Variants in SORBS2 observed in about 807,000 individuals in gnomAD.
SORBS2 encodes the protein sorbin and SH3 domain-containing protein 2.
In SORBS2, 46 loss-of-function variants were observed where a neutral mutation model predicts 97.7. That is an observed-to-expected ratio of 0.47 (90% CI 0.37 to 0.60). The LOEUF is 0.60. Ranked by LOEUF, SORBS2 falls within the 20% of genes least tolerant of loss-of-function variation. SORBS2 has a pLI of 0.00. For synonymous variants in SORBS2, 476 were observed against 473.4 expected, an observed-to-expected ratio of 1.01 and a Z score of -0.07; for missense variants, 1,316 against 1,282.3, an observed-to-expected ratio of 1.03 and a Z score of -0.40.
At chr4:185,887,462 C>G (rs765561678) in intron 1 of SORBS2, among the ~76,000 whole-genome samples, 1 of 152,162 alleles carries the variant, frequency 6.6e-6, no homozygotes, top group African/African-American at 2.4e-5. Flanking sequence ...TCAAAACTTG[C>G]GGGCATCGCA....
chr4:185,946,442 C>T (rs74520673), intron 1 of SORBS2, among the ~76,000 whole-genome samples: 284 of 152,258 alleles, frequency 1.9e-3, no homozygotes, highest in Non-Finnish European at 3.4e-3. Context: ...AGTTTAGCAT[C>T]TGTAAGAACC....
At chr4:185,916,125 G>A (rs2099258017) in intron 1 of SORBS2, among the ~76,000 whole-genome samples, 1 of 152,152 alleles carries the variant, frequency 6.6e-6, no homozygotes, top group Non-Finnish European at 1.5e-5. Context: ...GAGGAAATTA[G>A]AGGGCCACTC....
At chr4:185,903,508 C>T (rs893769172) in intron 1 of SORBS2, among the ~76,000 whole-genome samples, 4 of 152,194 alleles carry the variant, frequency 2.6e-5, no homozygotes, top group Non-Finnish European at 4.4e-5. Context: ...CTGGTCAGTA[C>T]AGAGCCTTCA....
chr4:185,623,228 G>C lies in SORBS2; in HGVS notation c.1901C>G (p.Ala634Gly), dbSNP rs899390581. The stretch of plus-strand genomic sequence containing the variant: ...GATGTCTTTAAGGGCAGAGTCCAGA[G>C]CCTCAAACACAGATGCTTTACATTT... The change falls in exon 7 of 15, where the codon GCT (alanine) becomes GGT (glycine). Residue 634 changes from alanine (A) to glycine (G), a missense_variant. By Grantham distance (60) the Ala-to-Gly change is moderately conservative (BLOSUM62 0). Transcript: ENST00000418609. This position sits in a 1 kb window ranked among gnomAD's most constrained non-coding sequence, Gnocchi z 6.4. The C allele has an allele frequency of 6.2e-7, 1 of 1,614,134 alleles. No homozygotes were observed. Among genetic ancestry groups the C allele is most frequent in the East Asian group, 2.2e-5 (1 of 44,884 alleles).
At chr4:185,667,405 T>C (rs2097628668) in intron 4 of SORBS2, among the ~76,000 whole-genome samples, 1 of 152,152 alleles carries the variant, frequency 6.6e-6, no homozygotes, top group African/African-American at 2.4e-5. Context: ...CTCAGACTTT[T>C]ACTTGAATAC....
intron 1 of SORBS2, among the ~76,000 whole-genome samples, chr4:185,834,740 CATTTG>C (rs1240974270): frequency 6.6e-6 from 1 of 152,162 alleles, no homozygotes; most frequent in Non-Finnish European, 1.5e-5. Flanking sequence ...TATCAGTATA[CATTTG>C]ATTTGATTTG....
chr4:185,737,969 C>T (rs141829096), intron 2 of SORBS2, among the ~76,000 whole-genome samples: 21 of 152,334 alleles, frequency 1.4e-4, no homozygotes, highest in African/African-American at 4.8e-4. Flanking sequence ...TTCACAATGG[C>T]AGCCACACTG....
At chr4:185,920,246 A>G (rs924112054) in intron 1 of SORBS2, among the ~76,000 whole-genome samples, 2 of 152,158 alleles carry the variant, frequency 1.3e-5, no homozygotes, top group South Asian at 2.1e-4. Flanking sequence ...AGTTCCCACC[A>G]TCTCTGATGT....
chr4:185,764,176 G>A (rs1051977856), intron 2 of SORBS2, among the ~76,000 whole-genome samples: 1 of 152,098 alleles, frequency 6.6e-6, no homozygotes, highest in African/African-American at 2.4e-5. Flanking sequence ...GCTCTCCATA[G>A]TCCTGTAGCA....
At chr4:185,880,144 A>C (rs2099236121) in intron 1 of SORBS2, among the ~76,000 whole-genome samples, 1 of 152,196 alleles carries the variant, frequency 6.6e-6, no homozygotes, top group African/African-American at 2.4e-5. Context: ...TCCCCTGTGC[A>C]GGCTGCCTCG....
chr4:185,735,022 C>T (rs1051791636), intron 2 of SORBS2, among the ~76,000 whole-genome samples: 3 of 152,216 alleles, frequency 2.0e-5, no homozygotes, highest in Non-Finnish European at 4.4e-5. Flanking sequence ...AGGCTCTACA[C>T]TGTGCAGACA....
chr4:185,684,875 G>A lies in SORBS2; in HGVS notation c.-197-6053C>T, dbSNP rs1380441783. ...GAAGCAAAAAAATGATATAGCAGAG[G>A]CCAAGGCAACGGGAAAAGCACGTGC... On this transcript the variant is annotated intron_variant, in intron 2 of 20. Coordinates refer to the SORBS2 transcript ENST00000284776. The surrounding 1 kb of genome is among the most constrained non-coding windows in gnomAD (Gnocchi z 4.2). The A allele has an allele frequency of 2.0e-6, 3 of 1,526,760 alleles. No individual in the cohort carries two copies. The East Asian group carries it at 7.4e-5, about 37-fold the overall frequency. The allele number at this position is 1,526,760 out of a possible 1,614,324, so 94.6% of individuals were successfully genotyped here. A position where few individuals can be genotyped will look rare whatever the true frequency, so the allele number is the denominator to read the frequency against.
intron 1 of SORBS2, among the ~76,000 whole-genome samples, chr4:185,864,273 A>G (rs1312252071): frequency 6.6e-6 from 1 of 152,198 alleles, no homozygotes; most frequent in Non-Finnish European, 1.5e-5. Flanking sequence ...AGAATATCAC[A>G]TTGAATTTTC....
At chr4:185,590,031 G>T (rs1040379037) in intron 13 of SORBS2, among the ~76,000 whole-genome samples, 1 of 152,024 alleles carries the variant, frequency 6.6e-6, no homozygotes, top group Non-Finnish European at 1.5e-5. Context: ...AACTCACGAG[G>T]AATATCCATG....
At chr4:185,940,035 G>T (rs553135956) in intron 1 of SORBS2, among the ~76,000 whole-genome samples, 2 of 152,140 alleles carry the variant, frequency 1.3e-5, no homozygotes. Flanking sequence ...CTTCTAAGAC[G>T]CCACACAGCC....
At chr4:185,597,580 A>T (rs578167086) in intron 12 of SORBS2, among the ~76,000 whole-genome samples, 1 of 152,364 alleles carries the variant, frequency 6.6e-6, no homozygotes, top group East Asian at 1.9e-4. Context: ...TGCATGAAAG[A>T]TTACTATGAT....
At chr4:185,663,848 CTTTTTTTTTTTTT>C (rs56177449) in intron 4 of SORBS2, among the ~76,000 whole-genome samples, 2 of 80,978 alleles carry the variant, frequency 2.5e-5, no homozygotes, top group African/African-American at 4.6e-5. Context: ...TAGATTTATT[CTTTTTTTTTTTTT>C]TTTTTTTTTT....
intron 1 of SORBS2, among the ~76,000 whole-genome samples, chr4:185,781,576 GCCTCTGGCC>G (rs1420082358): frequency 7.9e-6 from 1 of 126,778 alleles, no homozygotes; most frequent in East Asian, 2.0e-4. Flanking sequence ...CCCTTCCATT[GCCTCTGGCC>G]CCTCCAGCCT....
Position 185,607,859 on chromosome 4 carries a change from A to G in SORBS2, c.2796+3921T>C, listed in dbSNP as rs1028740786. On this transcript the variant is annotated intron_variant, in intron 12 of 14. Coordinates refer to ENST00000418609, the Ensembl canonical transcript of SORBS2. The surrounding 1 kb of genome is among the most constrained non-coding windows in gnomAD (Gnocchi z 5.2). ...ACAGGCGCATGTCACCAGTACAGCT[A>G]ATTTTTATATTTTTAGTAGAGACGG... 1.3e-5 allele frequency among the ~76,000 whole-genome samples: 2 copies of G among 151,808 alleles called. No homozygotes were observed. The highest frequency in any genetic ancestry group is 2.4e-5 in the African/African-American group (1 of 41,308).
Sources: allele counts gnomAD v4.1 joint callset (sites outside exome capture counted in the v4.1 genomes callset), GRCh38; gene constraint gnomAD v4.1.1; non-coding constraint Gnocchi (gnomAD v3.1); transcripts MANE v1.5; gene names NCBI Gene and HGNC (gene_info 2026-07-23, HGNC 2026-07-21).